Variants in AGBL1 observed in about 807,000 individuals in gnomAD.
AGBL1 encodes AGBL carboxypeptidase 1, also known as cytosolic carboxypeptidase 4.
Under a neutral mutation model 118.9 loss-of-function variants are expected in AGBL1, and 130 were observed. That is an observed-to-expected ratio of 1.09 (90% CI 0.95 to 1.26). The LOEUF is 1.26. AGBL1 is among the 50% of genes most tolerant of loss of function. The probability of loss-of-function intolerance (pLI) is 0.00; values close to 1 mark genes in which losing one functional copy is unlikely to be tolerated. For missense variants in AGBL1, 1,584 were observed against 1,298.1 expected (o/e 1.22, Z -3.38); for synonymous variants, 555 against 478.9 (o/e 1.16, Z -2.08).
intron 17 of AGBL1, among the ~76,000 whole-genome samples, chr15:86,305,391 A>G (rs191990071): frequency 6.6e-6 from 1 of 152,294 alleles, no homozygotes; most frequent in East Asian, 1.9e-4. Context: ...AGCGAAATTT[A>G]AAGCAGAAAG....
At chr15:86,419,252 G>T (rs553831743) in intron 18 of AGBL1, among the ~76,000 whole-genome samples, 1 of 151,914 alleles carries the variant, frequency 6.6e-6, no homozygotes, top group Admixed American at 6.6e-5. Flanking sequence ...ATTTCCAACC[G>T]AGGTACCTAG....
intron 21 of AGBL1, among the ~76,000 whole-genome samples, chr15:86,560,625 C>T (rs1293630796): frequency 6.6e-6 from 1 of 152,182 alleles, no homozygotes; most frequent in Non-Finnish European, 1.5e-5. Flanking sequence ...TTTATAGCAG[C>T]AGGATTTATA....
At chr15:86,967,708 A>G (rs183391454) in intron 23 of AGBL1, among the ~76,000 whole-genome samples, 8 of 152,132 alleles carry the variant, frequency 5.3e-5, no homozygotes, top group Admixed American at 1.3e-4. Context: ...TACCAGGACC[A>G]TGCTGCTTTG....
At chr15:86,150,180 G>C (rs531981934) in intron 3 of AGBL1, among the ~76,000 whole-genome samples, 4 of 152,190 alleles carry the variant, frequency 2.6e-5, no homozygotes, top group Non-Finnish European at 4.4e-5. Context: ...TAGCAGGAAA[G>C]ATCTATAATC....
At chr15:86,902,589 T>G (rs536503408) in intron 22 of AGBL1, among the ~76,000 whole-genome samples, 1 of 152,270 alleles carries the variant, frequency 6.6e-6, no homozygotes, top group South Asian at 2.1e-4. Flanking sequence ...TTAGGGTAGA[T>G]CTGTTACCAA....
intron 17 of AGBL1, among the ~76,000 whole-genome samples, chr15:86,321,811 G>A (rs1268656886): frequency 6.6e-6 from 1 of 150,918 alleles, no homozygotes; most frequent in African/African-American, 2.4e-5. Flanking sequence ...TCCTTTAAAT[G>A]CCACTTTATC....
At chr15:86,452,089 A>G (rs1455186154) in intron 18 of AGBL1, among the ~76,000 whole-genome samples, 2 of 152,142 alleles carry the variant, frequency 1.3e-5, no homozygotes, top group Non-Finnish European at 2.9e-5. Flanking sequence ...TTGCCCGGAC[A>G]CATTATGTAG....
chr15:86,359,278 T>C (rs1261563260), intron 17 of AGBL1, among the ~76,000 whole-genome samples: 1 of 151,904 alleles, frequency 6.6e-6, no homozygotes, highest in East Asian at 1.9e-4. Context: ...AAGAGACTGT[T>C]CTTTCTTCAT....
At chr15:86,920,026 C>G (rs527458192), downstream of AGBL1, among the ~76,000 whole-genome samples, 1 of 152,244 alleles carries the variant, frequency 6.6e-6, no homozygotes, top group East Asian at 1.9e-4. Flanking sequence ...TTAGTGCTGT[C>G]GAACATTATC....
chr15:86,145,430 G>A (rs755513286), intron 3 of AGBL1, among the ~76,000 whole-genome samples: 1 of 152,208 alleles, frequency 6.6e-6, no homozygotes, highest in Non-Finnish European at 1.5e-5. Flanking sequence ...GACTCATGCA[G>A]ACATTGCAAA....
intron 18 of AGBL1, among the ~76,000 whole-genome samples, chr15:86,465,272 T>C (rs983508641): frequency 6.6e-6 from 1 of 152,222 alleles, no homozygotes; most frequent in African/African-American, 2.4e-5. Flanking sequence ...TAATTTCCTA[T>C]GCCTGTGTTT....
At chr15:86,144,247 A>T (rs2077003226) in intron 3 of AGBL1, among the ~76,000 whole-genome samples, 1 of 152,244 alleles carries the variant, frequency 6.6e-6, no homozygotes, top group East Asian at 1.9e-4. Context: ...ACCATTGTGG[A>T]AAACAGTGTG....
At chr15:86,103,949 G>T (rs1022104421) in intron 1 of AGBL1, among the ~76,000 whole-genome samples, 1 of 152,154 alleles carries the variant, frequency 6.6e-6, no homozygotes, top group African/African-American at 2.4e-5. Flanking sequence ...AGTAGCCATA[G>T]CAGGACAACC....
At chr15:86,582,999 C>A (rs1252262468) in intron 21 of AGBL1, among the ~76,000 whole-genome samples, 2 of 151,604 alleles carry the variant, frequency 1.3e-5, no homozygotes, top group African/African-American at 4.9e-5. Flanking sequence ...TACCCTAAAA[C>A]TTAAAGTATA....
At chr15:86,265,692 C>T (rs75410448) in intron 11 of AGBL1, among the ~76,000 whole-genome samples, 2 of 152,150 alleles carry the variant, frequency 1.3e-5, no homozygotes, top group African/African-American at 4.8e-5. Flanking sequence ...AGAAACAGAT[C>T]ACAAGGGCTG....
intron 22 of AGBL1, among the ~76,000 whole-genome samples, chr15:86,830,115 T>C (rs1178185764): frequency 1.3e-5 from 2 of 152,166 alleles, no homozygotes; most frequent in African/African-American, 4.8e-5. Context: ...ATATTATTAA[T>C]GTATTTTTAA....
chr15:86,131,690 G>A (rs2076821528), intron 1 of AGBL1, among the ~76,000 whole-genome samples: 1 of 152,126 alleles, frequency 6.6e-6, no homozygotes, highest in Non-Finnish European at 1.5e-5. Flanking sequence ...GCTCACGCCT[G>A]TAAATCCCAG....
intron 22 of AGBL1, among the ~76,000 whole-genome samples, chr15:86,765,411 G>T (rs1567163303): frequency 6.6e-6 from 1 of 151,946 alleles, no homozygotes; most frequent in Non-Finnish European, 1.5e-5. Flanking sequence ...AATCCCAACT[G>T]ACAGGCTCTG....
intron 1 of AGBL1, among the ~76,000 whole-genome samples, chr15:86,140,599 A>G (rs529351560): frequency 1.7e-4 from 26 of 152,266 alleles, no homozygotes; most frequent in African/African-American, 5.8e-4. Flanking sequence ...TACCAACACC[A>G]TGTGGTAAGT....
Sources: gnomAD v4.1 joint callset for allele counts (sites outside exome capture counted in the v4.1 genomes callset) on GRCh38, gnomAD v4.1.1 for gene constraint, MANE v1.5 for transcripts, NCBI Gene and HGNC (gene_info 2026-07-23, HGNC 2026-07-21) for gene names.